POU2F1: variants seen among roughly 807,000 people sequenced by gnomAD.
POU2F1 encodes POU domain, class 2, transcription factor 1.
POU2F1 carries 16 observed loss-of-function variants against 84.9 expected under a neutral mutation model. The observed-to-expected ratio is 0.19, with a 90% CI of 0.13 to 0.29. The LOEUF (loss-of-function observed/expected upper bound fraction) is 0.29. POU2F1 is among the 10% of genes least tolerant of loss of function. The probability of loss-of-function intolerance (pLI) is 1.00; values close to 1 mark genes in which losing one functional copy is unlikely to be tolerated. For missense variants in POU2F1, 738 were observed against 942.6 expected (o/e 0.78, Z 2.84); for synonymous variants, 368 against 368.3 (o/e 1.00, Z 0.01).
intron 1 of POU2F1, among the ~76,000 whole-genome samples, chr1:167,272,829 C>T: frequency 6.6e-6 from 1 of 152,130 alleles, no homozygotes; most frequent in East Asian, 1.9e-4. Flanking sequence ...TCTCTCATGT[C>T]CTTCTCACAT....
intron 2 of POU2F1, among the ~76,000 whole-genome samples, chr1:167,347,593 T>TGAAATGAACA (rs1353558164): frequency 3.3e-5 from 5 of 152,220 alleles, no homozygotes; most frequent in African/African-American, 7.2e-5. Context: ...GCATTTAGTG[T>TGAAATGAACA]ATTCACAGTG....
intron 2 of POU2F1, among the ~76,000 whole-genome samples, chr1:167,352,132 C>T (rs1658624608): frequency 1.3e-5 from 2 of 152,260 alleles, no homozygotes; most frequent in Admixed American, 1.3e-4. Context: ...AAGCTGTTAT[C>T]ACAACTTAAT....
intron 7 of POU2F1, among the ~76,000 whole-genome samples, chr1:167,381,969 A>C (rs1647601319): frequency 2.1e-5 from 2 of 95,582 alleles, no homozygotes; most frequent in Non-Finnish European, 4.3e-5. Context: ...AATTTTATTT[A>C]ATTAGTTTTA....
chr1:167,352,326 G>C (rs1658635325), intron 2 of POU2F1, among the ~76,000 whole-genome samples: 1 of 152,188 alleles, frequency 6.6e-6, no homozygotes, highest in African/African-American at 2.4e-5. Flanking sequence ...TAATGTAAAA[G>C]AAATGTAGTT....
At chr1:167,337,092 G>A (rs781297213) in intron 2 of POU2F1, among the ~76,000 whole-genome samples, 3 of 151,960 alleles carry the variant, frequency 2.0e-5, no homozygotes, top group Non-Finnish European at 2.9e-5. Flanking sequence ...GACCTCAGGA[G>A]GTGGAGGTTG....
At chr1:167,361,685 A>G (rs1012179860) in intron 2 of POU2F1, among the ~76,000 whole-genome samples, 1 of 152,180 alleles carries the variant, frequency 6.6e-6, no homozygotes, top group Non-Finnish European at 1.5e-5. Context: ...CTGCTTTCAT[A>G]GAAGAAGTTA....
chr1:167,412,113 G>A lies in POU2F1; in HGVS notation c.1710G>A (p.Gln570=). 6.2e-7 allele frequency: 1 copy of A among 1,614,162 alleles called. No homozygotes were observed. The highest frequency in any genetic ancestry group is 8.5e-7 in the Non-Finnish European group (1 of 1,180,034). Residue 570 remains glutamine (Q), a synonymous_variant, in exon 14 of 16, where the codon CAG becomes CAA. Transcript: ENST00000367866. ...GTGCCAGTGAGACCAGCACAACACA[G>A]ACCACCTCCACTCCTTTGTCCTCCC... The part of the protein sequence containing the change: ...ASSASETSTT[Q]TTSTPLSSPL...
intron 2 of POU2F1, among the ~76,000 whole-genome samples, chr1:167,340,431 CTTTTTTTTTT>C (rs761386225): frequency 2.3e-4 from 28 of 122,326 alleles, no homozygotes; most frequent in Non-Finnish European, 4.0e-4. Context: ...TTCTTTTTTT[CTTTTTTTTTT>C]TTTTTTTGGA....
intron 1 of POU2F1, among the ~76,000 whole-genome samples, chr1:167,234,040 C>T (rs995168176): frequency 6.6e-6 from 1 of 152,172 alleles, no homozygotes; most frequent in Non-Finnish European, 1.5e-5. Context: ...ACACCTAGGT[C>T]TCTGTTTTGA....
chr1:167,236,334 C>CTCAT (rs1461625557), intron 1 of POU2F1, among the ~76,000 whole-genome samples: 1 of 152,036 alleles, frequency 6.6e-6, no homozygotes, highest in East Asian at 1.9e-4. Context: ...AACTCCTGAC[C>CTCAT]TCATGATCCA....
Position 167,322,422 on chromosome 1 carries a change from T to TA in POU2F1, c.62-10047dup, listed in dbSNP as rs1386139586. 8.5e-5 allele frequency among the ~76,000 whole-genome samples: 13 copies of TA among 152,340 alleles called. No individual in the cohort carries two copies. The East Asian group carries it at 2.5e-3, about 29-fold the overall frequency. ...AACTAGACATACCTAGAAGTAATCC[T>TA]ACCATCCTCACTGGCAAGGGTTGAC... On this transcript the variant is annotated intron_variant, in intron 1 of 15. Transcript: ENST00000367866.
intron 1 of POU2F1, among the ~76,000 whole-genome samples, chr1:167,316,220 G>A (rs111474136): frequency 2.6e-4 from 39 of 152,294 alleles, no homozygotes; most frequent in African/African-American, 8.7e-4. Context: ...TATATCAAGA[G>A]CAATTGTTTG....
intron 1 of POU2F1, among the ~76,000 whole-genome samples, chr1:167,308,385 G>A (rs527866432): frequency 6.6e-6 from 1 of 152,030 alleles, no homozygotes; most frequent in African/African-American, 2.4e-5. Context: ...GACTGATTAC[G>A]TTACCTTTGA....
intron 1 of POU2F1, among the ~76,000 whole-genome samples, chr1:167,243,146 A>G (rs1650041513): frequency 6.6e-6 from 1 of 152,212 alleles, no homozygotes. Flanking sequence ...ACGTTATTGC[A>G]TGGTAATTAA....
At chr1:167,227,323 TCAA>T (rs1243189852) in intron 1 of POU2F1, among the ~76,000 whole-genome samples, 2 of 152,174 alleles carry the variant, frequency 1.3e-5, no homozygotes, top group Non-Finnish European at 2.9e-5. Flanking sequence ...TGAAATTAAA[TCAA>T]TAATAATAAT....
chr1:167,333,647 G>A (rs1388038255), intron 2 of POU2F1, among the ~76,000 whole-genome samples: 3 of 152,156 alleles, frequency 2.0e-5, no homozygotes, highest in African/African-American at 7.2e-5. Flanking sequence ...AAACTGAGCT[G>A]TGGGGCTTCC....
At chr1:167,371,679 T>G (rs1282444332) in intron 4 of POU2F1, among the ~76,000 whole-genome samples, 1 of 152,178 alleles carries the variant, frequency 6.6e-6, no homozygotes, top group Admixed American at 6.5e-5. Flanking sequence ...ATCTATAAAT[T>G]TGTGGGGGAT....
At chr1:167,349,329 T>C (rs1014825355) in intron 2 of POU2F1, among the ~76,000 whole-genome samples, 1 of 152,170 alleles carries the variant, frequency 6.6e-6, no homozygotes, top group Non-Finnish European at 1.5e-5. Flanking sequence ...CTTTCCACAT[T>C]GTATATATAT....
intron 1 of POU2F1, among the ~76,000 whole-genome samples, chr1:167,230,278 G>T (rs1396543285): frequency 6.6e-6 from 1 of 152,112 alleles, no homozygotes; most frequent in Non-Finnish European, 1.5e-5. Flanking sequence ...GTATGGTATG[G>T]TAGAGTGAAA....
Sources: gnomAD v4.1 joint callset for allele counts (sites outside exome capture counted in the v4.1 genomes callset) on GRCh38, gnomAD v4.1.1 for gene constraint, MANE v1.5 for transcripts, NCBI Gene and HGNC (gene_info 2026-07-23, HGNC 2026-07-21) for gene names.